The following GRIK4 variants were observed in gnomAD, a reference collection of about 807,000 sequenced individuals.
The protein encoded by GRIK4 is glutamate receptor ionotropic, kainate 4.
In GRIK4, 40 loss-of-function variants were observed where a neutral mutation model predicts 104.9. That is an observed-to-expected ratio of 0.38 (90% confidence interval 0.30 to 0.50). The LOEUF is 0.50. Ranked by LOEUF, GRIK4 falls within the 20% of genes least tolerant of loss-of-function variation. GRIK4 has a pLI of 0.93. For missense variants in GRIK4, 1,047 were observed against 1,308.1 expected (o/e 0.80, Z 3.08); for synonymous variants, 485 against 524.9 (o/e 0.92, Z 1.04).
At chr11:120,854,103 T>G (rs1001898468) in intron 8 of GRIK4, among the ~76,000 whole-genome samples, 26 of 152,256 alleles carry the variant, frequency 1.7e-4, no homozygotes, top group African/African-American at 5.8e-4. Flanking sequence ...CCTGTAAGCT[T>G]CATTCAGCCA....
Position 120,903,293 on chromosome 11 carries a change from C to T in GRIK4, c.1273-1997C>T, listed in dbSNP as rs1031835442. On this transcript the variant is annotated intron_variant, in intron 12 of 20. Coordinates refer to ENST00000527524, the MANE Select transcript of GRIK4 (RefSeq NM_014619.5). The surrounding 1 kb of genome is among the most constrained non-coding windows in gnomAD (Gnocchi z 4.4). ...GCTCTCCTCTGTCCCTGTCGCATCCCCTGAGCGGCTCTGCTGAAAATCTTC... is the reference window on the plus strand; with the variant it reads ...GCTCTCCTCTGTCCCTGTCGCATCCTCTGAGCGGCTCTGCTGAAAATCTTC... Among the ~76,000 whole-genome samples, 14 of 152,136 alleles carry T rather than the reference C, an allele frequency of 9.2e-5. No individual in the cohort carries two copies. The highest frequency in any genetic ancestry group is 7.9e-4 in the Admixed American group (12 of 15,278).
chr11:120,918,320 C>T (rs377317804), intron 13 of GRIK4, among the ~76,000 whole-genome samples: 1 of 152,240 alleles, frequency 6.6e-6, no homozygotes, highest in Admixed American at 6.5e-5. Context: ...GGGGTGACAA[C>T]CCTATTGACC....
At chr11:120,592,954 G>A (rs1467257428) in intron 1 of GRIK4, among the ~76,000 whole-genome samples, 6 of 152,242 alleles carry the variant, frequency 3.9e-5, no homozygotes, top group Admixed American at 6.5e-5. Context: ...AGGCCCAGGC[G>A]GGCAGATCAC....
intron 6 of GRIK4, among the ~76,000 whole-genome samples, chr11:120,823,164 A>G (rs1444932065): frequency 6.6e-6 from 1 of 152,182 alleles, no homozygotes; most frequent in Non-Finnish European, 1.5e-5. Flanking sequence ...AGTCTTCCTC[A>G]ATGCTGGTAC....
chr11:120,941,859 A>C (rs370302340), intron 14 of GRIK4, among the ~76,000 whole-genome samples: 6 of 152,288 alleles, frequency 3.9e-5, no homozygotes, highest in African/African-American at 1.4e-4. Context: ...GAACTATGAC[A>C]TGATAAATTT....
intron 1 of GRIK4, among the ~76,000 whole-genome samples, chr11:120,632,072 G>T (rs1949339552): frequency 6.6e-6 from 1 of 152,200 alleles, no homozygotes; most frequent in African/African-American, 2.4e-5. Flanking sequence ...TGAAATTCGT[G>T]TGTTGAATCC....
intron 3 of GRIK4, among the ~76,000 whole-genome samples, chr11:120,694,518 C>A (rs1033902051): frequency 6.6e-6 from 1 of 152,138 alleles, no homozygotes; most frequent in Non-Finnish European, 1.5e-5. Flanking sequence ...GCTCTGTTTC[C>A]CCACCCACCC....
chr11:120,942,076 C>G (rs551400277), intron 14 of GRIK4, among the ~76,000 whole-genome samples: 1 of 152,360 alleles, frequency 6.6e-6, no homozygotes, highest in East Asian at 1.9e-4. Context: ...AGGACAGCAG[C>G]CTGCCACCCT....
At chr11:120,532,552 G>A (rs151143854) in intron 1 of GRIK4, among the ~76,000 whole-genome samples, 3 of 152,264 alleles carry the variant, frequency 2.0e-5, no homozygotes, top group South Asian at 2.1e-4. Flanking sequence ...CCTCTGAGCC[G>A]GCTGGCTGCT....
At chr11:120,957,165 G>T (rs1944174619) in intron 16 of GRIK4, among the ~76,000 whole-genome samples, 1 of 152,212 alleles carries the variant, frequency 6.6e-6, no homozygotes, top group Admixed American at 6.5e-5. Flanking sequence ...CTTACTCTCT[G>T]GGGTCTGGAT....
At chr11:120,866,658 T>C (rs1476404571) in intron 9 of GRIK4, among the ~76,000 whole-genome samples, 2 of 152,182 alleles carry the variant, frequency 1.3e-5, no homozygotes, top group East Asian at 1.9e-4. Context: ...AAAGATGGGC[T>C]GAGCTGCACC....
At chr11:120,864,209 A>T (rs765533048) in intron 9 of GRIK4, among the ~76,000 whole-genome samples, 46 of 10,456 alleles carry the variant, frequency 4.4e-3, no homozygotes, top group African/African-American at 7.5e-3. Context: ...TTTTATTTTT[A>T]TTTATTTATT....
chr11:120,794,327 T>C (rs1183364753), intron 3 of GRIK4, among the ~76,000 whole-genome samples: 6 of 149,874 alleles, frequency 4.0e-5, no homozygotes, highest in South Asian at 2.1e-4. Context: ...GGGCTGAGAG[T>C]CGGGTGATGG....
At chr11:120,742,226 G>A (rs1951345289) in intron 3 of GRIK4, among the ~76,000 whole-genome samples, 1 of 151,856 alleles carries the variant, frequency 6.6e-6, no homozygotes, top group Admixed American at 6.6e-5. Context: ...TGTGCCTTTA[G>A]TCCCAGTCAC....
intron 3 of GRIK4, among the ~76,000 whole-genome samples, chr11:120,672,316 T>A (rs1950032304): frequency 6.6e-6 from 1 of 151,990 alleles, no homozygotes; most frequent in Non-Finnish European, 1.5e-5. Context: ...CTCAGGAGGC[T>A]GAGACAGGAG....
At chr11:120,557,544 C>T (rs532087707) in intron 1 of GRIK4, among the ~76,000 whole-genome samples, 6 of 152,296 alleles carry the variant, frequency 3.9e-5, no homozygotes, top group African/African-American at 7.2e-5. Context: ...TAAATCAAGA[C>T]GTATTACATC....
chr11:120,905,682 G>A lies in GRIK4; in HGVS notation c.1476+189G>A, dbSNP rs779086928. The stretch of plus-strand genomic sequence containing the variant: ...CAGACGTGCGGTGGTGGATAAGCCT[G>A]CAATGATCCCTATCCCGTGGCTTTC... On this transcript the variant is annotated intron_variant, in intron 13 of 20. Coordinates refer to ENST00000527524, the MANE Select transcript of GRIK4 (RefSeq NM_014619.5). The surrounding 1 kb of genome is among the most constrained non-coding windows in gnomAD (Gnocchi z 5.1). Among the ~76,000 whole-genome samples the A allele has an allele frequency of 1.3e-5, 2 of 152,222 alleles. No individual in the cohort carries two copies. The highest frequency in any genetic ancestry group is 2.9e-5 in the Non-Finnish European group (2 of 68,040).
At chr11:120,665,842 T>C (rs1949905073) in intron 3 of GRIK4, among the ~76,000 whole-genome samples, 1 of 152,048 alleles carries the variant, frequency 6.6e-6, no homozygotes, top group Non-Finnish European at 1.5e-5. Context: ...CTGAGGGAGG[T>C]GTGGCTGTAG....
intron 19 of GRIK4, among the ~76,000 whole-genome samples, chr11:120,974,371 A>T (rs956031563): frequency 6.6e-6 from 1 of 152,170 alleles, no homozygotes; most frequent in South Asian, 2.1e-4. Flanking sequence ...TAAAGGAAGG[A>T]GAGAAATATG....
Sources: gnomAD v4.1 joint callset for allele counts (sites outside exome capture counted in the v4.1 genomes callset) on GRCh38, gnomAD v4.1.1 for gene constraint, Gnocchi (gnomAD v3.1) non-coding constraint, MANE v1.5 for transcripts, NCBI Gene and HGNC (gene_info 2026-07-23, HGNC 2026-07-21) for gene names.